Variants in NAV2 observed in about 807,000 individuals in gnomAD.
NAV2 encodes helicase, APC down-regulated 1.
A neutral mutation model predicts 223.2 loss-of-function variants in NAV2; 54 were observed. The ratio of observed to expected loss-of-function variants is 0.24; its 90% CI spans 0.19 to 0.30. The LOEUF (loss-of-function observed/expected upper bound fraction) is 0.30, where lower values mean the gene tolerates loss of function less well. Ranked by LOEUF, NAV2 falls within the 10% of genes least tolerant of loss-of-function variation. The probability of loss-of-function intolerance (pLI) is 1.00; values close to 1 mark genes in which losing one functional copy is unlikely to be tolerated. For synonymous variants in NAV2, 1,279 were observed against 1,239.3 expected (o/e 1.03, Z -0.67); for missense variants, 2,806 against 3,147.5 (o/e 0.89, Z 2.60).
intron 1 of NAV2, among the ~76,000 whole-genome samples, chr11:19,792,345 C>G (rs2057579420): frequency 6.6e-6 from 1 of 152,220 alleles, no homozygotes; most frequent in South Asian, 2.1e-4. Flanking sequence ...GGGGGCATTG[C>G]CCCCTCCTCC....
At chr11:19,936,388 A>G (rs1465932804) in intron 7 of NAV2, among the ~76,000 whole-genome samples, 2 of 152,170 alleles carry the variant, frequency 1.3e-5, no homozygotes, top group South Asian at 4.1e-4. Flanking sequence ...TAAAAGATAT[A>G]ACCTTTTTTT....
At chr11:19,392,392 T>TTTC (rs1554917756) in intron 1 of NAV2, among the ~76,000 whole-genome samples, 2 of 151,862 alleles carry the variant, frequency 1.3e-5, no homozygotes, top group Non-Finnish European at 2.9e-5. Flanking sequence ...GATTTTTTTT[T>TTTC]TTCTGCTTTT....
At chr11:19,860,943 A>G (rs1172784042) in intron 3 of NAV2, among the ~76,000 whole-genome samples, 9 of 150,532 alleles carry the variant, frequency 6.0e-5, no homozygotes, top group African/African-American at 2.2e-4. Flanking sequence ...AGGCAGGAGA[A>G]TCAGGCAGGG....
chr11:19,959,979 A>G (rs1368470048), intron 10 of NAV2, among the ~76,000 whole-genome samples: 1 of 152,210 alleles, frequency 6.6e-6, no homozygotes, highest in Non-Finnish European at 1.5e-5. Flanking sequence ...TTTGGGTGTT[A>G]CTGAGACTGG....
At chr11:19,826,660 A>T (rs1262541746) in intron 1 of NAV2, among the ~76,000 whole-genome samples, 1 of 152,204 alleles carries the variant, frequency 6.6e-6, no homozygotes, top group Non-Finnish European at 1.5e-5. Flanking sequence ...AGCTGGGGAC[A>T]GGGAGGGAAG....
intron 1 of NAV2, among the ~76,000 whole-genome samples, chr11:19,646,648 G>A (rs1453189676): frequency 2.0e-5 from 3 of 152,154 alleles, no homozygotes; most frequent in South Asian, 2.1e-4. Context: ...ATTTGAGGGT[G>A]AGGGTGCTGG....
chr11:19,859,133 T>C (rs1356452842), intron 3 of NAV2, among the ~76,000 whole-genome samples: 1 of 134,204 alleles, frequency 7.5e-6, no homozygotes, highest in Non-Finnish European at 1.6e-5. Context: ...CAAAATCATA[T>C]TCTCTTTTTT....
In NAV2 at chr11:20,044,142, G is replaced by A. The variant is rs373532400; in HGVS notation, c.3069G>A (p.Thr1023=). Residue 1023 remains threonine (T), a synonymous_variant, in exon 13 of 38, where the codon ACG becomes ACA. Coordinates refer to ENST00000349880, the MANE Select transcript of NAV2 (RefSeq NM_145117.5). ...SDVSDESDKS[T]SGKKNPVISQ... ...TGTCTGACGAGTCCGACAAAAGCAC[G>A]TCGGGCAAGAAGAATCCTGTCATCT... 2.7e-5 allele frequency: 43 copies of A among 1,614,068 alleles called. No individual in the cohort carries two copies. Among genetic ancestry groups the A allele is most frequent in the Middle Eastern group, 1.6e-4 (1 of 6,084 alleles).
intron 1 of NAV2, among the ~76,000 whole-genome samples, chr11:19,679,589 CCCA>C (rs1370759412): frequency 6.6e-6 from 1 of 152,102 alleles, no homozygotes; most frequent in East Asian, 1.9e-4. Context: ...CCCTCTCTAC[CCCA>C]CCATCTCTTG....
At chr11:19,520,120 G>A (rs2043596619) in intron 1 of NAV2, among the ~76,000 whole-genome samples, 1 of 152,170 alleles carries the variant, frequency 6.6e-6, no homozygotes, top group African/African-American at 2.4e-5. Context: ...TTTCCTGGCA[G>A]GGTGCCCAGA....
intron 23 of NAV2, 79 bp from the exon 24 acceptor site, chr11:20,077,914 T>G: frequency 8.7e-7 from 1 of 1,143,140 alleles, no homozygotes; most frequent in Non-Finnish European, 1.3e-6. Context: ...GCTCCTCCTG[T>G]GTTGAAGCCA....
At chr11:19,595,681 C>T (rs982847595) in intron 1 of NAV2, among the ~76,000 whole-genome samples, 3 of 151,734 alleles carry the variant, frequency 2.0e-5, no homozygotes, top group Admixed American at 1.3e-4. Context: ...CAGAGCCTCC[C>T]GAGTAGCTGG....
intron 1 of NAV2, among the ~76,000 whole-genome samples, chr11:19,625,609 G>T (rs1241521385): frequency 1.3e-5 from 2 of 152,126 alleles, no homozygotes; most frequent in Non-Finnish European, 2.9e-5. Context: ...TCTATTTGTA[G>T]TTTTTTGAGG....
chr11:19,670,784 A>C (rs2048555356), intron 1 of NAV2, among the ~76,000 whole-genome samples: 1 of 152,248 alleles, frequency 6.6e-6, no homozygotes, highest in Non-Finnish European at 1.5e-5. Flanking sequence ...CTGAGCCCAC[A>C]GGAAATTATT....
chr11:19,695,411 CT>C (rs5790083), intron 1 of NAV2, among the ~76,000 whole-genome samples: 12 of 149,798 alleles, frequency 8.0e-5, no homozygotes, highest in African/African-American at 2.7e-4. Flanking sequence ...TGCTCCCAGC[CT>C]TTTTTTTTTC....
At chr11:19,633,802 A>G (rs1046724309) in intron 1 of NAV2, among the ~76,000 whole-genome samples, 1 of 152,048 alleles carries the variant, frequency 6.6e-6, no homozygotes, top group Admixed American at 6.5e-5. Flanking sequence ...CACTGGGAGG[A>G]CCCCTGTTCA....
intron 10 of NAV2, among the ~76,000 whole-genome samples, chr11:19,955,766 G>C (rs1306807133): frequency 6.6e-6 from 1 of 152,168 alleles, no homozygotes; most frequent in Non-Finnish European, 1.5e-5. Flanking sequence ...AGCATGAAAG[G>C]CTCTTTCTTA....
intron 1 of NAV2, among the ~76,000 whole-genome samples, chr11:19,640,484 C>T (rs1164835953): frequency 6.6e-6 from 1 of 151,804 alleles, no homozygotes; most frequent in Non-Finnish European, 1.5e-5. Context: ...ACTACTATAT[C>T]TTATAGTATA....
intron 1 of NAV2, among the ~76,000 whole-genome samples, chr11:19,465,951 C>T (rs756998039): frequency 6.6e-6 from 1 of 152,140 alleles, no homozygotes; most frequent in Non-Finnish European, 1.5e-5. Context: ...GATCAGAGAG[C>T]ACCAACTGTT....
Sources: gnomAD v4.1 joint callset for allele counts (sites outside exome capture counted in the v4.1 genomes callset) on GRCh38, gnomAD v4.1.1 for gene constraint, MANE v1.5 for transcripts, NCBI Gene and HGNC (gene_info 2026-07-23, HGNC 2026-07-21) for gene names.